Variants in NOTCH2 observed in about 807,000 individuals in gnomAD.
The protein encoded by NOTCH2 is neurogenic locus notch homolog protein 2.
Under a neutral mutation model 235.8 loss-of-function variants are expected in NOTCH2, and 29 were observed. That is an observed-to-expected ratio of 0.12 (90% CI 0.09 to 0.17). NOTCH2 has a LOEUF of 0.17. Ranked by LOEUF, NOTCH2 falls within the 10% of genes least tolerant of loss-of-function variation. The pLI is 1.00. For missense variants in NOTCH2, 2,285 were observed against 3,150.2 expected (o/e 0.73, Z 6.57); for synonymous variants, 1,086 against 1,141.5 (o/e 0.95, Z 0.98).
rs61788928 is a variant in NOTCH2, at chr1:120,037,527, A to G, written c.74-7540T>C. On this transcript the variant is annotated intron_variant, in intron 1 of 33. Transcript: ENST00000256646. ...AAACAAAACTTTCTCTAAATTTTGT[A>G]TTCCATTTTTTGGGATCAAGCCATG... is the stretch of plus-strand genomic sequence containing the variant. 2.7e-5 allele frequency among the ~76,000 whole-genome samples: 4 copies of G among 150,600 alleles called. No homozygotes were observed. In the South Asian group the frequency reaches 6.3e-4, roughly 24 times the overall value.
At position 119,913,192 on chromosome 1, in the gene NOTCH2, A is replaced by G. The variant is rs921620826; in HGVS notation, c.*2114T>C. On this transcript the variant is annotated 3_prime_UTR_variant, in exon 34 of 34. Transcript: ENST00000256646. ...GCACACTATGAAAGAGGCTGACAGAATGTTGCCACATGGAGAGAATAAAGC... is the reference window on the plus strand; with the variant it reads ...GCACACTATGAAAGAGGCTGACAGAGTGTTGCCACATGGAGAGAATAAAGC... 2.1e-5 allele frequency: 5 copies of G among 233,234 alleles called. No homozygotes were observed. Among genetic ancestry groups the G allele is most frequent in the African/African-American group, 1.1e-4 (5 of 45,368 alleles). The allele number at this position is 233,234 out of a possible 1,614,324, so 14.4% of individuals were successfully genotyped here.
At chr1:119,974,729 G>A (rs1651501400) in intron 5 of NOTCH2, among the ~76,000 whole-genome samples, 2 of 152,172 alleles carry the variant, frequency 1.3e-5, no homozygotes, top group Admixed American at 6.5e-5. Context: ...CGAGGTACCT[G>A]TCTTATCAAT....
chr1:119,936,555 T>C (rs1553195741), intron 21 of NOTCH2, among the ~76,000 whole-genome samples: 1 of 152,208 alleles, frequency 6.6e-6, no homozygotes, highest in Non-Finnish European at 1.5e-5. Context: ...TGGTAGGCTT[T>C]TGAGCTAATG....
At chr1:119,967,737 TC>T in intron 7 of NOTCH2, 116 bp from the exon 8 acceptor site, 1 of 880,540 alleles carries the variant, frequency 1.1e-6, no homozygotes. Context: ...ATAATATCAT[TC>T]CCAATTTTCT....
At chr1:119,950,440 A>T (rs1483928396) in intron 15 of NOTCH2, 1 of 571,224 alleles carries the variant, frequency 1.8e-6, no homozygotes, top group Non-Finnish European at 3.3e-6. Flanking sequence ...AATGATAGAC[A>T]ACCATCATCT....
chr1:119,974,940 G>A (rs1328378648), intron 5 of NOTCH2, among the ~76,000 whole-genome samples: 1 of 152,170 alleles, frequency 6.6e-6, no homozygotes, highest in African/African-American at 2.4e-5. Flanking sequence ...CACTGTACTA[G>A]ACACTTGGTG....
Position 119,915,047 on chromosome 1 carries a change from A to T in NOTCH2, c.*259T>A, listed in dbSNP as rs1649016722. The T allele has an allele frequency of 5.6e-6, 3 of 531,670 alleles. No homozygotes were observed. The highest frequency in any genetic ancestry group is 1.0e-5 in the Non-Finnish European group (3 of 294,020). The allele number at this position is 531,670 out of a possible 1,614,324, so 32.9% of individuals were successfully genotyped here. ...TTATTCTCCAAATAGAAGAGAGTAA[A>T]CATGGACCCAAGGCTTGTATTCATC... is the stretch of plus-strand genomic sequence containing the variant. On this transcript the variant is annotated 3_prime_UTR_variant, in exon 34 of 34. Coordinates refer to ENST00000256646, the MANE Select transcript of NOTCH2 (RefSeq NM_024408.4).
chr1:119,917,767 A>C lies in NOTCH2; in HGVS notation c.5930-5T>G. On this transcript the variant is annotated splice_polypyrimidine_tract_variant and splice_region_variant and intron_variant, in intron 32 of 33. Transcript: ENST00000256646. The stretch of plus-strand genomic sequence containing the variant: ...CCCAGTGAAGAGCAGATTTTCCTGC[A>C]GGGGAGAAACATTTTTATAAACAGA... 2 of 1,574,070 alleles carry C rather than the reference A, an allele frequency of 1.3e-6. No individual in the cohort carries two copies. The highest frequency in any genetic ancestry group is 1.7e-6 in the Non-Finnish European group (2 of 1,143,634).
At chr1:119,922,468 GA>G (rs1557805060) in intron 27 of NOTCH2, 22 bp from the exon 28 acceptor site, 8 of 1,603,032 alleles carry the variant, frequency 5.0e-6, no homozygotes, top group Non-Finnish European at 6.0e-6. Context: ...CAGAGACAGG[GA>G]AAGTGCTGAA....
intron 1 of NOTCH2, among the ~76,000 whole-genome samples, chr1:120,040,945 G>A (rs1237705222): frequency 6.8e-6 from 1 of 146,768 alleles, no homozygotes; most frequent in Non-Finnish European, 1.5e-5. Context: ...GGAGTCTGAG[G>A]CAGGAGAATG....
intron 31 of NOTCH2, among the ~76,000 whole-genome samples, 180 bp downstream of exon 31, chr1:119,919,132 C>G (rs1649185052): frequency 6.6e-6 from 1 of 152,224 alleles, no homozygotes; most frequent in African/African-American, 2.4e-5. Flanking sequence ...CTATATATAG[C>G]TAGGTCAATT....
At chr1:119,967,376 G>T in intron 8 of NOTCH2, 57 bp downstream of exon 8, 1 of 1,459,252 alleles carries the variant, frequency 6.9e-7, no homozygotes, top group South Asian at 1.1e-5. Context: ...GCTCTACCAA[G>T]AGAAGTTCAG....
chr1:119,950,611 G>C (rs782101692), intron 15 of NOTCH2, 113 bp downstream of exon 15: 1 of 769,632 alleles, frequency 1.3e-6, no homozygotes. Flanking sequence ...CAACTGAGGA[G>C]TGAGCCCTCG....
At position 119,912,440 on chromosome 1, in the gene NOTCH2, G is replaced by C; in HGVS notation, c.*2866C>G. The C allele has an allele frequency of 4.3e-6, 1 of 233,386 alleles. No individual in the cohort carries two copies. Among genetic ancestry groups the C allele is most frequent in the Non-Finnish European group, 8.5e-6 (1 of 117,944 alleles). 14.5% of individuals were successfully genotyped at this position (233,386 alleles called of 1,614,324 possible). A position where few individuals can be genotyped will look rare whatever the true frequency, so the allele number is the denominator to read the frequency against. The stretch of plus-strand genomic sequence containing the variant: ...AATTACAAATTGGCAAATTCAATAA[G>C]AGGATGCAATGGATTTGAGCATCAC... On this transcript the variant is annotated 3_prime_UTR_variant, in exon 34 of 34. Coordinates refer to ENST00000256646, the MANE Select transcript of NOTCH2 (RefSeq NM_024408.4).
chr1:119,955,568 T>C (rs1229246528), intron 12 of NOTCH2, among the ~76,000 whole-genome samples: 1 of 152,272 alleles, frequency 6.6e-6, no homozygotes, highest in Non-Finnish European at 1.5e-5. Context: ...CTCTTCTTAA[T>C]GCTGCCCTGA....
intron 1 of NOTCH2, among the ~76,000 whole-genome samples, chr1:120,067,077 T>C: frequency 6.6e-6 from 1 of 151,666 alleles, no homozygotes; most frequent in Non-Finnish European, 1.5e-5. Flanking sequence ...AGAAACTCCG[T>C]GATGTTTAAA....
intron 2 of NOTCH2, among the ~76,000 whole-genome samples, chr1:120,011,433 T>C (rs587620160): frequency 2.9e-3 from 443 of 152,288 alleles, no homozygotes; most frequent in Middle Eastern, 0.024. Flanking sequence ...TTTTCCAGGA[T>C]TCAATGGTTT....
intron 33 of NOTCH2, 93 bp downstream of exon 33, chr1:119,917,572 T>C (rs1470414709): frequency 1.6e-5 from 14 of 877,576 alleles, no homozygotes; most frequent in Non-Finnish European, 2.3e-5. Context: ...TGTCTATACA[T>C]ATAACAAGAG....
intron 22 of NOTCH2, among the ~76,000 whole-genome samples, chr1:119,934,298 C>T (rs782076991): frequency 2.6e-5 from 4 of 152,128 alleles, no homozygotes; most frequent in African/African-American, 7.2e-5. Flanking sequence ...TATAGAACTG[C>T]GAGCCAAATA....
Sources: allele counts gnomAD v4.1 joint callset (sites outside exome capture counted in the v4.1 genomes callset), GRCh38; gene constraint gnomAD v4.1.1; transcripts MANE v1.5; gene names NCBI Gene and HGNC (gene_info 2026-07-23, HGNC 2026-07-21).